Variants in SLC4A4 observed in about 807,000 individuals in gnomAD.
SLC4A4 encodes electrogenic sodium bicarbonate cotransporter 1.
SLC4A4 carries 27 observed loss-of-function variants against 111.5 expected under a neutral mutation model. That is an observed-to-expected ratio of 0.24 (90% CI 0.18 to 0.33). The LOEUF is 0.33. Among genes scored for constraint, SLC4A4 ranks in the 10% least tolerant of loss-of-function variants. The pLI, the probability that SLC4A4 is intolerant of heterozygous loss-of-function variation, is 1.00. For missense variants in SLC4A4, 909 were observed against 1,315.5 expected (o/e 0.69, Z 4.78); for synonymous variants, 443 against 463.4 (o/e 0.96, Z 0.57).
rs143773525 is a variant in SLC4A4 at position 71,096,203 on chromosome 4, T to C, written c.-2+3411T>C. On this transcript the variant is annotated intron_variant, in intron 2 of 26. Transcript: ENST00000649996. ...ACAAGGATTGACTGACTCACAAAGG[T>C]AGAAAATAAGGTTAGTTTAGGGTTA... 5.3e-5 allele frequency among the ~76,000 whole-genome samples: 8 copies of C among 151,916 alleles called. No homozygotes were observed. In the East Asian group the frequency reaches 1.6e-3, roughly 29 times the overall value.
At chr4:71,324,374 TTAA>T (rs1477521836) in intron 3 of SLC4A4, among the ~76,000 whole-genome samples, 1 of 152,004 alleles carries the variant, frequency 6.6e-6, no homozygotes, top group Non-Finnish European at 1.5e-5. Context: ...TGAAATAATA[TTAA>T]TAATATGCTT....
chr4:71,254,111 A>G, intron 2 of SLC4A4, among the ~76,000 whole-genome samples: 1 of 152,154 alleles, frequency 6.6e-6, no homozygotes. Flanking sequence ...TGGCTGTGGC[A>G]TTGCAAAGTT....
At chr4:71,143,579 T>A (rs921791455) in intron 2 of SLC4A4, among the ~76,000 whole-genome samples, 33 of 152,316 alleles carry the variant, frequency 2.2e-4, no homozygotes, top group African/African-American at 7.9e-4. Flanking sequence ...TGTAAAAGTG[T>A]TCCCATTTCT....
chr4:71,509,591 T>G (rs1420518199), intron 16 of SLC4A4, among the ~76,000 whole-genome samples: 1 of 152,182 alleles, frequency 6.6e-6, no homozygotes, highest in East Asian at 1.9e-4. Flanking sequence ...GTGGTTTTGC[T>G]AGGCTCTTTA....
chr4:71,266,627 T>TC (rs1722280901), intron 3 of SLC4A4, among the ~76,000 whole-genome samples: 1 of 152,204 alleles, frequency 6.6e-6, no homozygotes, highest in East Asian at 1.9e-4. Flanking sequence ...CTCTTTTTTT[T>TC]CTGGCCAGAA....
chr4:71,287,930 A>T (rs1404930777), intron 3 of SLC4A4, among the ~76,000 whole-genome samples: 11 of 152,082 alleles, frequency 7.2e-5, no homozygotes, highest in Admixed American at 7.2e-4. Flanking sequence ...TTTTCTCATG[A>T]CTTTATATCA....
chr4:71,135,973 T>A (rs996056865), intron 2 of SLC4A4, among the ~76,000 whole-genome samples: 4 of 152,210 alleles, frequency 2.6e-5, no homozygotes, highest in Non-Finnish European at 5.9e-5. Flanking sequence ...TTTGATGTTG[T>A]TCTGATTAAG....
At chr4:71,130,328 T>C (rs1159737439) in intron 2 of SLC4A4, among the ~76,000 whole-genome samples, 3 of 152,108 alleles carry the variant, frequency 2.0e-5, no homozygotes, top group Admixed American at 2.0e-4. Flanking sequence ...CTCCTGAAGT[T>C]AAGCAATTCT....
chr4:71,321,628 C>T (rs1727128475), intron 3 of SLC4A4, among the ~76,000 whole-genome samples: 1 of 151,808 alleles, frequency 6.6e-6, no homozygotes, highest in African/African-American at 2.4e-5. Flanking sequence ...CTGGGGAGGG[C>T]CTGCTTGGAG....
At chr4:71,429,985 A>G (rs1047872172) in intron 7 of SLC4A4, among the ~76,000 whole-genome samples, 1 of 152,118 alleles carries the variant, frequency 6.6e-6, no homozygotes, top group African/African-American at 2.4e-5. Flanking sequence ...GTGTAAGCCT[A>G]GAATTGGTTT....
chr4:71,439,468 A>AAAAG (rs1553912820), intron 7 of SLC4A4, among the ~76,000 whole-genome samples: 1 of 138,426 alleles, frequency 7.2e-6, no homozygotes. Context: ...AAAAAAAAAA[A>AAAAG]AAAGAAAAGA....
chr4:71,108,577 C>T (rs962564154), intron 2 of SLC4A4, among the ~76,000 whole-genome samples: 9 of 152,110 alleles, frequency 5.9e-5, no homozygotes, highest in African/African-American at 1.7e-4. Flanking sequence ...TTCTCTTTGC[C>T]TTTGTCTTTT....
intron 3 of SLC4A4, among the ~76,000 whole-genome samples, chr4:71,277,728 T>C (rs1723188959): frequency 6.6e-6 from 1 of 151,996 alleles, no homozygotes; most frequent in Non-Finnish European, 1.5e-5. Context: ...TCTGTATATA[T>C]TGTAAATATG....
chr4:71,252,242 T>C (rs1721115729), intron 2 of SLC4A4, among the ~76,000 whole-genome samples: 1 of 152,212 alleles, frequency 6.6e-6, no homozygotes, highest in African/African-American at 2.4e-5. Context: ...CATTTTACTT[T>C]CGGTGTTTTG....
chr4:71,092,970 C>T (rs2148941864), intron 2 of SLC4A4, among the ~76,000 whole-genome samples: 1 of 152,096 alleles, frequency 6.6e-6, no homozygotes, highest in South Asian at 2.1e-4. Flanking sequence ...TGGCGTGCGC[C>T]TGTAGTCCCA....
At chr4:71,397,025 T>C (rs1330571086) in intron 6 of SLC4A4, among the ~76,000 whole-genome samples, 1 of 152,152 alleles carries the variant, frequency 6.6e-6, no homozygotes, top group Non-Finnish European at 1.5e-5. Context: ...TGCCCACTAA[T>C]GAGAAATATT....
intron 2 of SLC4A4, among the ~76,000 whole-genome samples, chr4:71,181,493 C>G (rs1431603141): frequency 6.6e-6 from 1 of 152,078 alleles, no homozygotes; most frequent in African/African-American, 2.4e-5. Flanking sequence ...ATGCTTTATG[C>G]ACATGCAAAT....
intron 1 of SLC4A4, among the ~76,000 whole-genome samples, chr4:71,218,519 T>C (rs1300819781): frequency 6.6e-6 from 1 of 152,232 alleles, no homozygotes; most frequent in Non-Finnish European, 1.5e-5. Flanking sequence ...TGGTGCTTAG[T>C]GTTCCAGACC....
At chr4:71,497,855 C>T (rs966974977) in intron 16 of SLC4A4, among the ~76,000 whole-genome samples, 163 bp downstream of exon 16, 91 of 152,056 alleles carry the variant, frequency 6.0e-4, no homozygotes, top group African/African-American at 2.1e-3. Context: ...TACTTATTAA[C>T]GTAAGTCTAG....
Sources: allele counts gnomAD v4.1 joint callset (sites outside exome capture counted in the v4.1 genomes callset), GRCh38; gene constraint gnomAD v4.1.1; transcripts MANE v1.5; gene names NCBI Gene and HGNC (gene_info 2026-07-23, HGNC 2026-07-21).